The following TMEM254 variants were observed in gnomAD, a reference collection of about 807,000 sequenced individuals.
The protein encoded by TMEM254 is transmembrane protein C10orf57.
A neutral mutation model predicts 13.9 loss-of-function variants in TMEM254; 16 were observed. The observed-to-expected ratio is 1.15, with a 90% CI of 0.78 to 1.75. TMEM254 has a LOEUF of 1.75. Ranked by LOEUF, TMEM254 falls within the 40% of genes most tolerant of loss-of-function variation. The pLI is 0.00. For missense variants in TMEM254, 155 were observed against 149.0 expected (o/e 1.04, Z -0.21); for synonymous variants, 61 against 56.4 (o/e 1.08, Z -0.36).
intron 3 of TMEM254, among the ~76,000 whole-genome samples, chr10:80,084,556 A>G (rs183303066): frequency 6.6e-6 from 1 of 152,270 alleles, no homozygotes; most frequent in African/African-American, 2.4e-5. Context: ...GGAATCAGAT[A>G]TTAAACCCTT....
At chr10:80,078,917 G>C (rs1843792079) in intron 1 of TMEM254, 131 bp downstream of exon 1, 13 of 1,524,420 alleles carry the variant, frequency 8.5e-6, no homozygotes, top group Admixed American at 8.0e-5. Flanking sequence ...CGCGCTAGGA[G>C]CGGAGGGGAG....
In TMEM254 at chr10:80,091,011, C is replaced by T; in HGVS notation, c.*94C>T. The T allele has an allele frequency of 6.7e-7, 1 of 1,497,246 alleles. No homozygotes were observed. Among genetic ancestry groups the T allele is most frequent in the Non-Finnish European group, 9.0e-7 (1 of 1,115,494 alleles). 92.7% of individuals were successfully genotyped at this position (1,497,246 alleles called of 1,614,324 possible). On this transcript the variant is annotated 3_prime_UTR_variant, in exon 4 of 4. Transcript: ENST00000372281. ...TGCAGTAATTTACTCAGTGATCTTT[C>T]TACTTTCTAGAAACTGTCCTTCAAA...
At chr10:80,079,211 G>GC in intron 1 of TMEM254, 1 of 1,000,112 alleles carries the variant, frequency 1.0e-6, no homozygotes, top group Non-Finnish European at 1.4e-6. Flanking sequence ...GGCGGGGCGG[G>GC]CCTCTGTTTT....
At chr10:80,083,320 T>A (rs1844144627) in intron 3 of TMEM254, among the ~76,000 whole-genome samples, 1 of 152,128 alleles carries the variant, frequency 6.6e-6, no homozygotes, top group African/African-American at 2.4e-5. Context: ...GCCATGCTAG[T>A]CCCGAACTCC....
intron 1 of TMEM254, chr10:80,081,544 T>C (rs1245133360): frequency 2.2e-5 from 16 of 719,410 alleles, no homozygotes; most frequent in South Asian, 3.7e-5. Flanking sequence ...GGCACACACG[T>C]GTAGTCCCAT....
In TMEM254 at chr10:80,078,714, C is replaced by T. The variant is rs1843776110; in HGVS notation, c.15C>T (p.Ala5=). 2 of 1,603,856 alleles carry T rather than the reference C, an allele frequency of 1.2e-6. No individual in the cohort carries two copies. Among genetic ancestry groups the T allele is most frequent in the Non-Finnish European group, 8.5e-7 (1 of 1,176,446 alleles). ...GTGTTGCAGCCATGGCTACGGCAGCCGGCGCGACCTACTTTCAGCGAGGCA... is the reference window on the plus strand; with the variant it reads ...GTGTTGCAGCCATGGCTACGGCAGCTGGCGCGACCTACTTTCAGCGAGGCA... The part of the protein sequence containing the change: MATA[A]GATYFQRGSL... The change falls in exon 1 of 4, where the codon GCC becomes GCT. Residue 5 remains alanine (A), a synonymous_variant. Coordinates refer to ENST00000372281, the MANE Select transcript of TMEM254 (RefSeq NM_025125.4).
At chr10:80,081,583 G>T in intron 1 of TMEM254, 4 of 1,109,774 alleles carry the variant, frequency 3.6e-6, no homozygotes, top group Non-Finnish European at 5.2e-6. Flanking sequence ...TGGGAGGATG[G>T]ATTGAGCCCA....
At chr10:80,085,544 G>A (rs1462249977) in intron 3 of TMEM254, among the ~76,000 whole-genome samples, 1 of 151,630 alleles carries the variant, frequency 6.6e-6, no homozygotes, top group African/African-American at 2.4e-5. Flanking sequence ...TTTAGCCTGG[G>A]CGACAAAGTG....
intron 3 of TMEM254, among the ~76,000 whole-genome samples, chr10:80,083,349 G>T (rs1225552137): frequency 6.6e-6 from 1 of 152,046 alleles, no homozygotes; most frequent in Non-Finnish European, 1.5e-5. Flanking sequence ...CAGGTGATCC[G>T]CCTGCCTTCG....
At position 80,091,940 on chromosome 10, in the gene TMEM254, C is replaced by T. The variant is rs1326057633; in HGVS notation, c.*1023C>T. The T allele has an allele frequency of 6.6e-6, 1 of 152,204 alleles. No homozygotes were observed. Among genetic ancestry groups the T allele is most frequent in the Non-Finnish European group, 1.5e-5 (1 of 68,038 alleles). The allele number at this position is 152,204 out of a possible 1,614,324, so 9.4% of individuals were successfully genotyped here. A position where few individuals can be genotyped will look rare whatever the true frequency, so the allele number is the denominator to read the frequency against. ...TTTCATACCTTTCTATTCTCAATCACTTCTCCAAAAGTGTGTCTTTCCAGC... is the reference window on the plus strand; with the variant it reads ...TTTCATACCTTTCTATTCTCAATCATTTCTCCAAAAGTGTGTCTTTCCAGC... On this transcript the variant is annotated 3_prime_UTR_variant, in exon 4 of 4. Transcript: ENST00000372281.
Position 80,080,290 on chromosome 10 carries a change from C to T in TMEM254, c.87+1504C>T, listed in dbSNP as rs550132764. 2.6e-5 allele frequency among the ~76,000 whole-genome samples: 4 copies of T among 152,322 alleles called. No homozygotes were observed. The East Asian group carries it at 7.7e-4, about 29-fold the overall frequency. On this transcript the variant is annotated intron_variant, in intron 1 of 3. Transcript: ENST00000372281. ...AAACAACATCGTGAGAGAGGTAGTA[C>T]TGCTCTTGACAAAGATTTGAATGGG...
chr10:80,092,483 C>T lies in TMEM254; in HGVS notation c.*1566C>T. ...AGAAATAATAACAGTAATAGTGGTG[C>T]TGGGAACAATATGGCAGATTATTGA... On this transcript the variant is annotated 3_prime_UTR_variant, in exon 4 of 4. Transcript: ENST00000372281. 6.6e-6 allele frequency: 1 copy of T among 152,162 alleles called. No homozygotes were observed. The highest frequency in any genetic ancestry group is 1.9e-4 in the East Asian group (1 of 5,198). The allele number at this position is 152,162 out of a possible 1,614,324, so 9.4% of individuals were successfully genotyped here.
At chr10:80,079,406 G>A in intron 1 of TMEM254, 2 of 1,083,858 alleles carry the variant, frequency 1.8e-6, no homozygotes, top group South Asian at 4.9e-5. Context: ...GGTTATCCGA[G>A]CCTAAGCCTC....
chr10:80,089,682 G>T (rs1287399755), intron 3 of TMEM254, among the ~76,000 whole-genome samples: 1 of 125,240 alleles, frequency 8.0e-6, no homozygotes, highest in Non-Finnish European at 1.8e-5. Flanking sequence ...CATCTCTGGG[G>T]GGGTTGGAAA....
intron 3 of TMEM254, chr10:80,086,193 A>G: frequency 7.3e-7 from 1 of 1,368,006 alleles, no homozygotes; most frequent in South Asian, 1.6e-5. Context: ...GAATTAAATT[A>G]AGAAAACTTT....
intron 1 of TMEM254, 136 bp downstream of exon 1, chr10:80,078,922 G>A: frequency 1.2e-5 from 19 of 1,523,920 alleles, no homozygotes; most frequent in Non-Finnish European, 1.6e-5. Flanking sequence ...TAGGAGCGGA[G>A]GGGAGGGGAC....
chr10:80,088,434 T>G (rs1844416273), intron 3 of TMEM254, among the ~76,000 whole-genome samples: 1 of 121,296 alleles, frequency 8.2e-6, no homozygotes, highest in South Asian at 3.3e-4. Context: ...TTCCATTATG[T>G]TTTTTTTCTT....
chr10:80,079,091 G>A lies in TMEM254; in HGVS notation c.87+305G>A, dbSNP rs922618070. Reference sequence around the variant, plus strand: ...TGTCTGGGTTTTTCAAGAGGATGGTGAAGTCGGAGGCCAGCAATGCGGCTA... The same window carrying A: ...TGTCTGGGTTTTTCAAGAGGATGGTAAAGTCGGAGGCCAGCAATGCGGCTA... On this transcript the variant is annotated intron_variant, in intron 1 of 3. Coordinates refer to ENST00000372281, the MANE Select transcript of TMEM254 (RefSeq NM_025125.4). The A allele has an allele frequency of 2.9e-6, 4 of 1,396,832 alleles. No homozygotes were observed. In the African/African-American group the frequency reaches 4.3e-5, roughly 15 times the overall value. 86.5% of individuals were successfully genotyped at this position (1,396,832 alleles called of 1,614,324 possible).
rs61859014 is a variant in TMEM254, at chr10:80,089,428, C to G, written c.252-1369C>G. ...GCTCACACCTGTAATCCCAGCACTT[C>G]GGGAGGCTGAGGTGGGAGAATCAGT... On this transcript the variant is annotated intron_variant, in intron 3 of 3. Coordinates refer to ENST00000372281, the MANE Select transcript of TMEM254 (RefSeq NM_025125.4). Among the ~76,000 whole-genome samples, 4 of 151,956 alleles carry G rather than the reference C, an allele frequency of 2.6e-5. No individual in the cohort carries two copies. The East Asian group carries it at 7.7e-4, about 29-fold the overall frequency.
Sources: allele counts gnomAD v4.1 joint callset (sites outside exome capture counted in the v4.1 genomes callset), GRCh38; gene constraint gnomAD v4.1.1; transcripts MANE v1.5; gene names NCBI Gene and HGNC (gene_info 2026-07-23, HGNC 2026-07-21).